Variants in GRIN2B observed in about 807,000 individuals in gnomAD.
GRIN2B encodes glutamate ionotropic receptor NMDA type subunit 2B.
In GRIN2B, 5 loss-of-function variants were observed where a neutral mutation model predicts 114.5. That is an observed-to-expected ratio of 0.04 (90% CI 0.02 to 0.09). The LOEUF (loss-of-function observed/expected upper bound fraction) is 0.09. Ranked by LOEUF, GRIN2B falls within the 10% of genes least tolerant of loss-of-function variation. The pLI is 1.00. For missense variants in GRIN2B, 1,108 were observed against 1,943.5 expected (o/e 0.57, Z 8.08); for synonymous variants, 787 against 745.1 (o/e 1.06, Z -0.92).
chr12:13,639,650 A>G (rs1203943565), intron 5 of GRIN2B, among the ~76,000 whole-genome samples: 1 of 152,134 alleles, frequency 6.6e-6, no homozygotes, highest in East Asian at 1.9e-4. Flanking sequence ...GTGCCCCAGA[A>G]GAGAGATGAC....
chr12:13,898,397 A>G (rs920971555), intron 2 of GRIN2B, among the ~76,000 whole-genome samples: 6 of 152,234 alleles, frequency 3.9e-5, no homozygotes, highest in African/African-American at 1.4e-4. Flanking sequence ...CAAAGACCAC[A>G]CAACTAATAA....
intron 12 of GRIN2B, among the ~76,000 whole-genome samples, chr12:13,569,030 G>T (rs1691139011): frequency 6.6e-6 from 1 of 152,174 alleles, no homozygotes; most frequent in African/African-American, 2.4e-5. Context: ...GGCACATAAA[G>T]AGCAGAGACC....
intron 2 of GRIN2B, among the ~76,000 whole-genome samples, chr12:13,921,650 G>A (rs1246378107): frequency 1.3e-5 from 2 of 152,040 alleles, no homozygotes; most frequent in African/African-American, 4.8e-5. Context: ...GTATTGGGGA[G>A]GTTGAAAGTC....
At chr12:13,883,724 T>C (rs1179888011) in intron 2 of GRIN2B, among the ~76,000 whole-genome samples, 1 of 152,108 alleles carries the variant, frequency 6.6e-6, no homozygotes. Flanking sequence ...ATAAATATTT[T>C]CTCCCATTTT....
chr12:13,787,986 C>T (rs11055618), intron 3 of GRIN2B, among the ~76,000 whole-genome samples: 3,244 of 152,298 alleles, frequency 0.021, 57 homozygotes, highest in Non-Finnish European at 0.028. Context: ...AGCAGCCCCA[C>T]GCCTCTCTGG....
chr12:13,669,425 A>G (rs1450320415), intron 5 of GRIN2B, among the ~76,000 whole-genome samples: 1 of 151,954 alleles, frequency 6.6e-6, no homozygotes, highest in Non-Finnish European at 1.5e-5. Flanking sequence ...AATGATGCAT[A>G]TTAGTACTCA....
In GRIN2B at chr12:13,927,635, C is replaced by A. The variant is rs1866941282; in HGVS notation, c.-19+52293G>T. ...ATGTCCCAGTGAGAAAATGACCACA[C>A]CCTACCAGTGTTTATATTAGCTAAC... On this transcript the variant is annotated intron_variant, in intron 2 of 13. Coordinates refer to ENST00000609686, the MANE Select transcript of GRIN2B (RefSeq NM_000834.5). Among the ~76,000 whole-genome samples the A allele has an allele frequency of 3.3e-5, 5 of 151,938 alleles. 1 individual carries two copies. The South Asian group carries it at 8.3e-4, about 25-fold the overall frequency.
At chr12:13,823,285 T>C (rs1418143269) in intron 3 of GRIN2B, among the ~76,000 whole-genome samples, 2 of 152,062 alleles carry the variant, frequency 1.3e-5, no homozygotes, top group Non-Finnish European at 2.9e-5. Context: ...AAAATACTGA[T>C]TCTTTTGATC....
intron 4 of GRIN2B, among the ~76,000 whole-genome samples, chr12:13,714,164 C>T (rs1950436881): frequency 6.6e-6 from 1 of 151,796 alleles, no homozygotes; most frequent in Non-Finnish European, 1.5e-5. Flanking sequence ...ACCCACCACT[C>T]CTGATGGATT....
intron 3 of GRIN2B, among the ~76,000 whole-genome samples, chr12:13,855,441 G>A (rs1865643801): frequency 6.6e-6 from 1 of 152,138 alleles, no homozygotes; most frequent in South Asian, 2.1e-4. Flanking sequence ...TCCTAAGGCT[G>A]CAGAAGACTC....
chr12:13,909,908 G>A (rs923635909), intron 2 of GRIN2B, among the ~76,000 whole-genome samples: 1 of 152,096 alleles, frequency 6.6e-6, no homozygotes. Context: ...CAGGTCATCA[G>A]AGATTATGGA....
chr12:13,958,648 C>T (rs531717269), intron 2 of GRIN2B, among the ~76,000 whole-genome samples: 11 of 152,244 alleles, frequency 7.2e-5, no homozygotes, highest in Admixed American at 2.6e-4. Context: ...CAACCTCTGA[C>T]GGAGGCATTT....
At chr12:13,791,235 G>A (rs190570814) in intron 3 of GRIN2B, among the ~76,000 whole-genome samples, 27 of 152,142 alleles carry the variant, frequency 1.8e-4, no homozygotes, top group South Asian at 4.2e-4. Flanking sequence ...AGGCAAAGGC[G>A]GGCGGATCAT....
chr12:13,770,906 C>T (rs1268851289), intron 3 of GRIN2B, among the ~76,000 whole-genome samples: 1 of 152,170 alleles, frequency 6.6e-6, no homozygotes, highest in Non-Finnish European at 1.5e-5. Context: ...AAGTTTTACT[C>T]CCCGTATTTC....
rs200778490 is a variant in GRIN2B at position 13,571,980 on chromosome 12, C to G, written c.2011-16G>C. ...GTCTCTGGAACTGGAGAGAGAAAGA[C>G]AGATAGAGACAGAGCGGGAGATGGA... On this transcript the variant is annotated splice_polypyrimidine_tract_variant and intron_variant, in intron 10 of 13. Transcript: ENST00000609686. The G allele has an allele frequency of 1.1e-5, 18 of 1,600,024 alleles. No individual in the cohort carries two copies. The highest frequency in any genetic ancestry group is 1.5e-5 in the Non-Finnish European group (18 of 1,168,674).
intron 2 of GRIN2B, among the ~76,000 whole-genome samples, chr12:13,934,136 C>T (rs1485182627): frequency 6.6e-6 from 1 of 152,178 alleles, no homozygotes; most frequent in Non-Finnish European, 1.5e-5. Flanking sequence ...AATTCACTAG[C>T]TAATCTTGGC....
chr12:13,579,916 G>C lies in GRIN2B; in HGVS notation c.2011-7952C>G, dbSNP rs922940641. Among the ~76,000 whole-genome samples the C allele has an allele frequency of 2.0e-5, 3 of 152,230 alleles. No individual in the cohort carries two copies. In the East Asian group the frequency reaches 5.8e-4, roughly 29 times the overall value. The stretch of plus-strand genomic sequence containing the variant: ...TGAAGCTGGCAGGGAGGATGGATTG[G>C]CTTTGGAAGGGTGGCGATGGGGCGT... On this transcript the variant is annotated intron_variant, in intron 10 of 13. Transcript: ENST00000609686.
chr12:13,954,682 C>A (rs1476180845), intron 2 of GRIN2B, among the ~76,000 whole-genome samples: 3 of 151,432 alleles, frequency 2.0e-5, no homozygotes, highest in Non-Finnish European at 4.4e-5. Context: ...TGCGATGGTG[C>A]ACACCTGTAA....
intron 3 of GRIN2B, 48 bp downstream of exon 3, chr12:13,865,750 G>C (rs1230538913): frequency 1.4e-6 from 2 of 1,435,058 alleles, no homozygotes; most frequent in Non-Finnish European, 9.8e-7. Context: ...GCATGGTTTA[G>C]TCCTCAGCAC....
Sources: allele counts gnomAD v4.1 joint callset (sites outside exome capture counted in the v4.1 genomes callset), GRCh38; gene constraint gnomAD v4.1.1; transcripts MANE v1.5; gene names NCBI Gene and HGNC (gene_info 2026-07-23, HGNC 2026-07-21).